The following ATXN10 variants were observed in gnomAD, a reference collection of about 807,000 sequenced individuals.
ATXN10 encodes the protein ataxin 10.
ATXN10 carries 28 observed loss-of-function variants against 52.9 expected under a neutral mutation model. That is an observed-to-expected ratio of 0.53 (90% confidence interval 0.39 to 0.73). The LOEUF (loss-of-function observed/expected upper bound fraction) is 0.73, where lower values mean the gene tolerates loss of function less well. ATXN10 is among the 30% of genes least tolerant of loss of function. The probability of loss-of-function intolerance (pLI) is 0.00; values close to 1 mark genes in which losing one functional copy is unlikely to be tolerated. For synonymous variants in ATXN10, 226 were observed against 221.5 expected, an observed-to-expected ratio of 1.02 and a Z score of -0.18; for missense variants, 565 against 577.0, an observed-to-expected ratio of 0.98 and a Z score of 0.21.
intron 8 of ATXN10, 69 bp from the exon 9 acceptor site, chr22:45,740,299 GA>G: frequency 6.8e-7 from 1 of 1,475,392 alleles, no homozygotes; most frequent in Non-Finnish European, 9.5e-7. Flanking sequence ...TTTGTCTATG[GA>G]AAACTATTAG....
In ATXN10 at chr22:45,728,834, T is replaced by C. The variant is rs1021755705; in HGVS notation, c.729-591T>C. Among the ~76,000 whole-genome samples the C allele has an allele frequency of 1.3e-5, 2 of 152,170 alleles. No individual in the cohort carries two copies. Among genetic ancestry groups the C allele is most frequent in the Non-Finnish European group, 2.9e-5 (2 of 68,030 alleles). ...TTGTGTTTGTGTAAACTAAAATAAA[T>C]AGTAAAGTTTCACAGTAAAGACTAC... is the stretch of plus-strand genomic sequence containing the variant. On this transcript the variant is annotated intron_variant, in intron 6 of 11. Transcript: ENST00000252934. The surrounding 1 kb of genome is among the most constrained non-coding windows in gnomAD (Gnocchi z 4.3).
rs113842245 is a variant in ATXN10 at position 45,726,750 on chromosome 22, C to T, written c.729-2675C>T. Among the ~76,000 whole-genome samples, 317 of 152,274 alleles carry T rather than the reference C, an allele frequency of 2.1e-3. 2 individuals are homozygous for T. Among genetic ancestry groups the T allele is most frequent in the African/African-American group, 7.2e-3 (298 of 41,546 alleles). ...TCACCTAGGCTGGTGTGCAGTGGCA[C>T]GATCACTGCAGCCTTGACCTTCCTG... is the stretch of plus-strand genomic sequence containing the variant. On this transcript the variant is annotated intron_variant, in intron 6 of 11. Transcript: ENST00000252934.
rs1927353112 is a variant in ATXN10 at position 45,787,265 on chromosome 22, C to T, written c.1174-19694C>T. Among the ~76,000 whole-genome samples the T allele has an allele frequency of 6.6e-6, 1 of 152,168 alleles. No individual in the cohort carries two copies. The highest frequency in any genetic ancestry group is 1.5e-5 in the Non-Finnish European group (1 of 68,032). The stretch of plus-strand genomic sequence containing the variant: ...CTTGGCTCCTGAAAGAAGGGTCAGA[C>T]CCTAGAGTGTTCAGCTGGGCTGCAG... On this transcript the variant is annotated intron_variant, in intron 9 of 11. Transcript: ENST00000252934. This position sits in a 1 kb window ranked among gnomAD's most constrained non-coding sequence, Gnocchi z 4.2.
At chr22:45,734,065 T>C (rs1925193369) in intron 7 of ATXN10, among the ~76,000 whole-genome samples, 1 of 152,160 alleles carries the variant, frequency 6.6e-6, no homozygotes, top group African/African-American at 2.4e-5. Flanking sequence ...TTCCAGCTGC[T>C]TTCAGGTTGC....
chr22:45,815,961 ACTGT>A (rs931819638), intron 10 of ATXN10, among the ~76,000 whole-genome samples: 1 of 152,276 alleles, frequency 6.6e-6, no homozygotes, highest in Admixed American at 6.5e-5. Flanking sequence ...AATAAAATTC[ACTGT>A]CTGGCCAGGC....
rs1322921663 is a variant in ATXN10, at chr22:45,750,371, C to T, written c.1173+9833C>T. On this transcript the variant is annotated intron_variant, in intron 9 of 11. Transcript: ENST00000252934. The surrounding 1 kb of genome is among the most constrained non-coding windows in gnomAD (Gnocchi z 4.2). ...TTGGCCTCCCAAAGTGCTAGGATTA[C>T]AGGTGTGAGTCACCACGCCCGGCCG... is the stretch of plus-strand genomic sequence containing the variant. 6.6e-6 allele frequency among the ~76,000 whole-genome samples: 1 copy of T among 152,100 alleles called. No individual in the cohort carries two copies. Among genetic ancestry groups the T allele is most frequent in the Non-Finnish European group, 1.5e-5 (1 of 68,018 alleles).
At chr22:45,838,353 TGGGTCAA>T (rs1469705791) in intron 10 of ATXN10, among the ~76,000 whole-genome samples, 13 of 152,204 alleles carry the variant, frequency 8.5e-5, no homozygotes, top group Non-Finnish European at 1.3e-4. Flanking sequence ...CTTGGTGGCC[TGGGTCAA>T]GACCCCAGAG....
At chr22:45,726,300 GT>G (rs200658716) in intron 6 of ATXN10, among the ~76,000 whole-genome samples, 1 of 151,804 alleles carries the variant, frequency 6.6e-6, no homozygotes, top group Non-Finnish European at 1.5e-5. Flanking sequence ...TGGGTTTTTT[GT>G]TTTTTTGGCA....
At chr22:45,839,275 A>G (rs918256084) in intron 10 of ATXN10, among the ~76,000 whole-genome samples, 5 of 152,242 alleles carry the variant, frequency 3.3e-5, no homozygotes, top group African/African-American at 1.2e-4. Flanking sequence ...TAATTTTGGA[A>G]GAAGACAAAA....
chr22:45,727,108 C>G lies in ATXN10; in HGVS notation c.729-2317C>G, dbSNP rs763204508. On this transcript the variant is annotated intron_variant, in intron 6 of 11. Coordinates refer to ENST00000252934, the MANE Select transcript of ATXN10 (RefSeq NM_013236.4). The surrounding 1 kb of genome is among the most constrained non-coding windows in gnomAD (Gnocchi z 4.6). ...TTTTAGCACTGCTTTTGCTGTATCC[C>G]AGAAGTTTTGATAAATTATATCTCT... Among the ~76,000 whole-genome samples the G allele has an allele frequency of 9.2e-5, 14 of 152,092 alleles. No homozygotes were observed. Among genetic ancestry groups the G allele is most frequent in the African/African-American group, 1.4e-4 (6 of 41,396 alleles).
Position 45,762,017 on chromosome 22 carries a change from C to G in ATXN10, c.1173+21479C>G, listed in dbSNP as rs893193856. On this transcript the variant is annotated intron_variant, in intron 9 of 11. Coordinates refer to ENST00000252934, the MANE Select transcript of ATXN10 (RefSeq NM_013236.4). The surrounding 1 kb of genome is among the most constrained non-coding windows in gnomAD (Gnocchi z 4.3). Reference sequence around the variant, plus strand: ...AAGAGCCTTCTGACTCCCAGGTTTTCTGATTTTTAAAAACTTCCTATTTAG... The same window carrying G: ...AAGAGCCTTCTGACTCCCAGGTTTTGTGATTTTTAAAAACTTCCTATTTAG... 1.2e-4 allele frequency among the ~76,000 whole-genome samples: 19 copies of G among 152,154 alleles called. No individual in the cohort carries two copies. Among genetic ancestry groups the G allele is most frequent in the African/African-American group, 4.3e-4 (18 of 41,430 alleles).
intron 1 of ATXN10, 71 bp downstream of exon 1, chr22:45,672,250 T>A: frequency 1.5e-6 from 2 of 1,296,896 alleles, no homozygotes; most frequent in South Asian, 2.1e-5. Flanking sequence ...GGCCCCGGCC[T>A]GGACCCAGGC....
Position 45,780,209 on chromosome 22 carries a change from G to T in ATXN10, c.1174-26750G>T, listed in dbSNP as rs557083318. The stretch of plus-strand genomic sequence containing the variant: ...AGCGATTACCCTGCTTCAGCCTCCT[G>T]AGTAGCTGGGATTACAGGCGTGTGC... On this transcript the variant is annotated intron_variant, in intron 9 of 11. Coordinates refer to ENST00000252934, the MANE Select transcript of ATXN10 (RefSeq NM_013236.4). The surrounding 1 kb of genome is among the most constrained non-coding windows in gnomAD (Gnocchi z 4.0). Among the ~76,000 whole-genome samples the T allele has an allele frequency of 6.6e-6, 1 of 152,132 alleles. No homozygotes were observed. Among genetic ancestry groups the T allele is most frequent in the Admixed American group, 6.5e-5 (1 of 15,284 alleles).
intron 6 of ATXN10, among the ~76,000 whole-genome samples, chr22:45,721,969 T>C (rs1227625300): frequency 6.6e-6 from 1 of 152,064 alleles, no homozygotes; most frequent in African/African-American, 2.4e-5. Flanking sequence ...TAAGGCAGAC[T>C]ATGTAAGTAC....
At chr22:45,689,200 C>G (rs963843810) in intron 1 of ATXN10, among the ~76,000 whole-genome samples, 1 of 152,170 alleles carries the variant, frequency 6.6e-6, no homozygotes, top group Non-Finnish European at 1.5e-5. Context: ...TTTCTTATAA[C>G]TGAACTTAGC....
At chr22:45,682,242 C>G (rs1355335904) in intron 1 of ATXN10, among the ~76,000 whole-genome samples, 1 of 152,182 alleles carries the variant, frequency 6.6e-6, no homozygotes, top group Non-Finnish European at 1.5e-5. Flanking sequence ...TATTTACTTT[C>G]AGAGTATTCT....
At position 45,678,984 on chromosome 22, in the gene ATXN10, A is replaced by G. The variant is rs1246420937; in HGVS notation, c.116+6805A>G. The G allele has an allele frequency of 6.6e-6, 1 of 152,236 alleles. No individual in the cohort carries two copies. The highest frequency in any genetic ancestry group is 1.5e-5 in the Non-Finnish European group (1 of 68,032). The allele number at this position is 152,236 out of a possible 1,614,324, so 9.4% of individuals were successfully genotyped here. ...TAAATTTGTAAATTTGTAAATATAA[A>G]TGTCTTAAGCCTTCATTCCTTTGCT... On this transcript the variant is annotated intron_variant, in intron 1 of 11. Coordinates refer to ENST00000252934, the MANE Select transcript of ATXN10 (RefSeq NM_013236.4). This position sits in a 1 kb window ranked among gnomAD's most constrained non-coding sequence, Gnocchi z 4.1.
intron 6 of ATXN10, among the ~76,000 whole-genome samples, chr22:45,721,648 C>G (rs1387907168): frequency 6.6e-6 from 1 of 152,224 alleles, no homozygotes; most frequent in Non-Finnish European, 1.5e-5. Flanking sequence ...ACTACTGCTA[C>G]TATGCTGATG....
At chr22:45,730,656 T>C (rs566251943) in intron 7 of ATXN10, among the ~76,000 whole-genome samples, 1 of 152,322 alleles carries the variant, frequency 6.6e-6, no homozygotes, top group South Asian at 2.1e-4. Flanking sequence ...AGGCTGGTCT[T>C]GAACTCCTGA....
Sources: gnomAD v4.1 joint callset for allele counts (sites outside exome capture counted in the v4.1 genomes callset) on GRCh38, gnomAD v4.1.1 for gene constraint, Gnocchi (gnomAD v3.1) non-coding constraint, MANE v1.5 for transcripts, NCBI Gene and HGNC (gene_info 2026-07-23, HGNC 2026-07-21) for gene names.